Variants in DPH6 observed in about 807,000 individuals in gnomAD.
DPH6 encodes diphthamine biosynthesis 6.
In DPH6, 33 loss-of-function variants were observed where a neutral mutation model predicts 38.2. That is an observed-to-expected ratio of 0.86 (90% CI 0.65 to 1.15). The LOEUF is 1.15. Ranked by LOEUF, DPH6 falls within the 50% of genes most tolerant of loss-of-function variation. The probability of loss-of-function intolerance (pLI) is 0.00; values close to 1 mark genes in which losing one functional copy is unlikely to be tolerated. For missense variants in DPH6, 325 were observed against 320.0 expected (o/e 1.02, Z -0.12); for synonymous variants, 108 against 103.0 (o/e 1.05, Z -0.30).
chr15:35,192,948 A>C, the DPH6 span, among the ~76,000 whole-genome samples: 2 of 152,216 alleles, frequency 1.3e-5, no homozygotes, highest in African/African-American at 4.8e-5. Flanking sequence ...AGGAAAGGAA[A>C]GATGTGGAAG....
chr15:35,147,947 T>C, the DPH6 span, among the ~76,000 whole-genome samples: 2 of 152,192 alleles, frequency 1.3e-5, no homozygotes, highest in Non-Finnish European at 2.9e-5. Context: ...GACAAGACCA[T>C]TTGACAGCTC....
chr15:35,542,001 A>ATCG (rs1472818046), intron 2 of DPH6, among the ~76,000 whole-genome samples: 3 of 152,104 alleles, frequency 2.0e-5, no homozygotes, highest in African/African-American at 7.2e-5. Flanking sequence ...ATCATTTATC[A>ATCG]ATATGTGTCT....
At position 35,381,904 on chromosome 15, in the gene DPH6, A is replaced by G; in HGVS notation, c.580T>C (p.Tyr194His). The G allele has an allele frequency of 6.2e-7, 1 of 1,611,370 alleles. No individual in the cohort carries two copies. Among genetic ancestry groups the G allele is most frequent in the Non-Finnish European group, 8.5e-7 (1 of 1,179,046 alleles). The change falls in exon 7 of 9, where the codon TAT becomes CAT. Residue 194 changes from tyrosine to histidine, a missense_variant. Physicochemically the swap from Tyr to His is moderately conservative, Grantham distance 83. Transcript: ENST00000256538. ...CCTTCTCCACAAACATGTACTCCAT[A>G]CTTCTTAGAAAGCTGAAAATAGGAA... ...EPYLIELSKKYGVHVCGEGGE... is the reference protein window; with the variant it reads ...EPYLIELSKKHGVHVCGEGGE...
At chr15:35,382,028 T>A in intron 6 of DPH6, 112 bp from the exon 7 acceptor site, 1 of 753,892 alleles carries the variant, frequency 1.3e-6, no homozygotes, top group Non-Finnish European at 2.2e-6. Context: ...TCCAAAATAG[T>A]TTGCAAGGTA....
chr15:35,347,258 G>A (rs1247210855), intron 3 of DPH6, among the ~76,000 whole-genome samples: 1 of 152,020 alleles, frequency 6.6e-6, no homozygotes, highest in Admixed American at 6.6e-5. Context: ...TTTTGTAACT[G>A]GCTTTTCACT....
chr15:35,417,506 G>A (rs2053451388), intron 5 of DPH6, among the ~76,000 whole-genome samples: 1 of 135,792 alleles, frequency 7.4e-6, no homozygotes, highest in Admixed American at 7.3e-5. Flanking sequence ...ATGGTTCAGA[G>A]AGAAACATTT....
chr15:35,516,312 C>T (rs2141226742), intron 3 of DPH6, among the ~76,000 whole-genome samples: 1 of 152,198 alleles, frequency 6.6e-6, no homozygotes, highest in Middle Eastern at 3.4e-3. Context: ...TGCTCTATGG[C>T]CCCAATGAAA....
At chr15:35,221,068 G>A (rs891354416) in intron 3 of DPH6, among the ~76,000 whole-genome samples, 5 of 152,172 alleles carry the variant, frequency 3.3e-5, no homozygotes, top group Non-Finnish European at 5.9e-5. Context: ...GGCAAAAGAT[G>A]AACATTCATA....
intron 3 of DPH6, among the ~76,000 whole-genome samples, chr15:35,307,439 C>T (rs2052100844): frequency 6.6e-6 from 1 of 152,054 alleles, no homozygotes; most frequent in East Asian, 1.9e-4. Flanking sequence ...TTAAAGGTGA[C>T]TGAAGAGACT....
chr15:35,168,676 T>TG, the DPH6 span, among the ~76,000 whole-genome samples: 1 of 152,090 alleles, frequency 6.6e-6, no homozygotes, highest in East Asian at 1.9e-4. Flanking sequence ...ATGTTAAAAT[T>TG]TTTTTAAACA....
At chr15:35,276,941 G>T (rs1178346893) in intron 3 of DPH6, among the ~76,000 whole-genome samples, 1 of 151,846 alleles carries the variant, frequency 6.6e-6, no homozygotes, top group Non-Finnish European at 1.5e-5. Context: ...TGAATTTTAG[G>T]ATTTTTTTTC....
intron 3 of DPH6, among the ~76,000 whole-genome samples, chr15:35,317,352 AAG>A (rs750600941): frequency 1.3e-5 from 2 of 151,230 alleles, no homozygotes; most frequent in Non-Finnish European, 2.9e-5. Flanking sequence ...AAGAAAAAGA[AAG>A]AGAGAAAGAA....
At chr15:35,172,826 G>A in the DPH6 span, among the ~76,000 whole-genome samples, 1 of 151,944 alleles carries the variant, frequency 6.6e-6, no homozygotes, top group Non-Finnish European at 1.5e-5. Context: ...CAAGTAGTTG[G>A]GTCTACAGGC....
chr15:35,148,236 T>C, the DPH6 span, among the ~76,000 whole-genome samples: 60 of 152,328 alleles, frequency 3.9e-4, no homozygotes, highest in East Asian at 0.011. Context: ...AGTAAAGTTA[T>C]TTCATTTTTC....
chr15:35,242,786 G>A (rs1482485255), intron 3 of DPH6, among the ~76,000 whole-genome samples: 1 of 142,112 alleles, frequency 7.0e-6, no homozygotes. Flanking sequence ...TTAGGCCCCA[G>A]TCTCATTCCA....
chr15:35,506,577 T>C (rs2054697410), intron 3 of DPH6, among the ~76,000 whole-genome samples: 1 of 152,192 alleles, frequency 6.6e-6, no homozygotes, highest in African/African-American at 2.4e-5. Context: ...CTCACTGTAC[T>C]GGTATAAAAG....
intron 6 of DPH6, among the ~76,000 whole-genome samples, chr15:35,384,324 A>G (rs2052914198): frequency 6.6e-6 from 1 of 152,230 alleles, no homozygotes; most frequent in Non-Finnish European, 1.5e-5. Flanking sequence ...CAAAAATAAC[A>G]AACTACATTG....
At chr15:35,466,331 A>T (rs2054126140) in intron 3 of DPH6, among the ~76,000 whole-genome samples, 2 of 152,248 alleles carry the variant, frequency 1.3e-5, no homozygotes, top group Admixed American at 1.3e-4. Flanking sequence ...TCAATCCTTT[A>T]TTCTCCTAAT....
exon 4 of DPH6, chr15:35,217,893 A>C (rs2051419512): frequency 6.6e-6 from 1 of 152,206 alleles, no homozygotes; most frequent in South Asian, 2.1e-4. Context: ...CCTGATATAA[A>C]ATGGCATACA....
Sources: allele counts gnomAD v4.1 joint callset (sites outside exome capture counted in the v4.1 genomes callset), GRCh38; gene constraint gnomAD v4.1.1; transcripts MANE v1.5; gene names NCBI Gene and HGNC (gene_info 2026-07-23, HGNC 2026-07-21).